NEDD9: variants seen among roughly 807,000 people sequenced by gnomAD.
The protein encoded by NEDD9 is neural precursor cell expressed, developmentally down-regulated 9.
In NEDD9, 26 loss-of-function variants were observed where a neutral mutation model predicts 76.6. That is an observed-to-expected ratio of 0.34 (90% CI 0.25 to 0.47). The LOEUF (loss-of-function observed/expected upper bound fraction) is 0.47, where lower values mean the gene tolerates loss of function less well. Ranked by LOEUF, NEDD9 falls within the 20% of genes least tolerant of loss-of-function variation. NEDD9 has a pLI of 1.00. For synonymous variants in NEDD9, 392 were observed against 414.2 expected (o/e 0.95, Z 0.65); for missense variants, 937 against 1,058.5 (o/e 0.89, Z 1.59).
At chr6:11,249,445 T>C (rs569453179) in intron 3 of NEDD9, among the ~76,000 whole-genome samples, 14 of 152,324 alleles carry the variant, frequency 9.2e-5, no homozygotes, top group African/African-American at 2.9e-4. Context: ...ACATCACTTC[T>C]AAATAACATC....
intron 2 of NEDD9, among the ~76,000 whole-genome samples, chr6:11,201,308 C>A (rs1471751103): frequency 6.6e-6 from 1 of 152,206 alleles, no homozygotes; most frequent in African/African-American, 2.4e-5. Context: ...CTGCCACTCA[C>A]AAAGGCCAAT....
intron 1 of NEDD9, among the ~76,000 whole-genome samples, chr6:11,360,917 C>T (rs1017078759): frequency 1.3e-5 from 2 of 152,174 alleles, no homozygotes; most frequent in African/African-American, 4.8e-5. Flanking sequence ...ACAGAAAAGG[C>T]ATAGAGCAGA....
At chr6:11,353,106 C>T (rs1762500568) in intron 1 of NEDD9, among the ~76,000 whole-genome samples, 1 of 152,232 alleles carries the variant, frequency 6.6e-6, no homozygotes, top group African/African-American at 2.4e-5. Flanking sequence ...GGTGAACATC[C>T]TCTGAGAACA....
intron 1 of NEDD9, chr6:11,352,231 C>T (rs1016845473): frequency 2.0e-5 from 3 of 152,234 alleles, no homozygotes; most frequent in Admixed American, 6.5e-5. Flanking sequence ...GAGTTGTCTA[C>T]ACCACAGGCA....
intron 1 of NEDD9, among the ~76,000 whole-genome samples, chr6:11,229,619 A>C (rs929907234): frequency 1.3e-5 from 2 of 152,208 alleles, no homozygotes; most frequent in Non-Finnish European, 2.9e-5. Context: ...CTGTATATGA[A>C]GGGGATTTTG....
chr6:11,274,074 TC>T (rs1760368022), intron 3 of NEDD9, among the ~76,000 whole-genome samples: 2 of 152,182 alleles, frequency 1.3e-5, no homozygotes, highest in Non-Finnish European at 2.9e-5. Flanking sequence ...AAATCCTTTT[TC>T]CACTCTCTCT....
At chr6:11,330,365 C>T (rs574913443) in intron 2 of NEDD9, among the ~76,000 whole-genome samples, 26 of 152,226 alleles carry the variant, frequency 1.7e-4, no homozygotes, top group East Asian at 7.7e-4. Context: ...ATATGACTAA[C>T]GGATCTGAAA....
chr6:11,275,190 A>C (rs1247438377), intron 3 of NEDD9, among the ~76,000 whole-genome samples: 3 of 152,198 alleles, frequency 2.0e-5, no homozygotes, highest in Non-Finnish European at 2.9e-5. Context: ...CAGGCTGTAA[A>C]AAAGTGGAAC....
chr6:11,203,673 T>A (rs1570374), intron 2 of NEDD9, among the ~76,000 whole-genome samples: 2 of 151,988 alleles, frequency 1.3e-5, no homozygotes, highest in Non-Finnish European at 2.9e-5. Context: ...ATGAAGTGCT[T>A]TCTTAGCTCT....
At chr6:11,358,183 A>G (rs968266128) in intron 1 of NEDD9, among the ~76,000 whole-genome samples, 7 of 127,232 alleles carry the variant, frequency 5.5e-5, no homozygotes. Context: ...CGGAAGGCGG[A>G]GGTTGCAGTG....
chr6:11,319,744 A>G (rs375951618), intron 2 of NEDD9, among the ~76,000 whole-genome samples: 5 of 126,428 alleles, frequency 4.0e-5, no homozygotes, highest in Admixed American at 1.7e-4. Context: ...ACATGCACAC[A>G]CACACTAACA....
chr6:11,308,336 T>G (rs1257561859), intron 2 of NEDD9, among the ~76,000 whole-genome samples: 1 of 151,318 alleles, frequency 6.6e-6, no homozygotes, highest in Admixed American at 6.6e-5. Context: ...GAAGAGACAT[T>G]TGTCCAAGTA....
At chr6:11,379,334 T>A (rs750529305) in intron 1 of NEDD9, among the ~76,000 whole-genome samples, 1 of 152,150 alleles carries the variant, frequency 6.6e-6, no homozygotes, top group Non-Finnish European at 1.5e-5. Context: ...ATGCCTGTAA[T>A]CCCAGCACTT....
chr6:11,302,179 G>A (rs1242120248), intron 3 of NEDD9, among the ~76,000 whole-genome samples: 1 of 151,914 alleles, frequency 6.6e-6, no homozygotes, highest in Non-Finnish European at 1.5e-5. Context: ...AATGATAAAG[G>A]GGATATCACC....
Position 11,363,916 on chromosome 6 carries a change from C to A in NEDD9, c.-214+18223G>T, listed in dbSNP as rs543998885. Among the ~76,000 whole-genome samples, 13 of 152,134 alleles carry A rather than the reference C, an allele frequency of 8.5e-5. 1 individual carries two copies. The highest frequency in any genetic ancestry group is 1.6e-4 in the Non-Finnish European group (11 of 68,026). ...ATATATATTACCTTATGTAATCTCA[C>A]AACAATCAAAAGGTAGCAAGCAGTA... is the stretch of plus-strand genomic sequence containing the variant. On this transcript the variant is annotated intron_variant, in intron 1 of 3. Transcript: ENST00000397378.
intron 2 of NEDD9, among the ~76,000 whole-genome samples, chr6:11,308,391 A>G (rs1425309661): frequency 1.9e-5 from 2 of 103,420 alleles, no homozygotes; most frequent in Non-Finnish European, 3.7e-5. Flanking sequence ...TTTTTTTGAT[A>G]CGAAGTCTGG....
intron 1 of NEDD9, among the ~76,000 whole-genome samples, chr6:11,364,968 CG>C (rs1762736636): frequency 6.6e-6 from 1 of 152,032 alleles, no homozygotes; most frequent in Non-Finnish European, 1.5e-5. Context: ...ACCCTGGCAC[CG>C]GGGTAAGAGC....
chr6:11,295,580 C>T lies in NEDD9; in HGVS notation c.12+10412G>A, dbSNP rs146654526. On this transcript the variant is annotated intron_variant, in intron 3 of 3. Coordinates refer to the NEDD9 transcript ENST00000397378. ...TGTCCCCAGCTGAGGCACAGCACAC[C>T]TCCTCCCTCGGGTGGCCTGTTTACA... Among the ~76,000 whole-genome samples, 515 of 152,302 alleles carry T rather than the reference C, an allele frequency of 3.4e-3. 2 individuals carry two copies. The highest frequency in any genetic ancestry group is 5.9e-3 in the Non-Finnish European group (401 of 68,022).
At chr6:11,356,481 CATT>C (rs1243782485) in intron 1 of NEDD9, among the ~76,000 whole-genome samples, 2 of 152,192 alleles carry the variant, frequency 1.3e-5, no homozygotes, top group Non-Finnish European at 2.9e-5. Context: ...CAGGACACAT[CATT>C]GTTTGAGACA....
Sources: gnomAD v4.1 joint callset for allele counts (sites outside exome capture counted in the v4.1 genomes callset) on GRCh38, gnomAD v4.1.1 for gene constraint, MANE v1.5 for transcripts, NCBI Gene and HGNC (gene_info 2026-07-23, HGNC 2026-07-21) for gene names.